The following COL28A1 variants were observed in gnomAD, a reference collection of about 807,000 sequenced individuals.
The protein encoded by COL28A1 is collagen alpha-1(XXVIII) chain.
Under a neutral mutation model 150.2 loss-of-function variants are expected in COL28A1, and 161 were observed. The observed-to-expected ratio is 1.07, with a 90% CI of 0.94 to 1.22. The LOEUF (loss-of-function observed/expected upper bound fraction) is 1.22. Among genes scored for constraint, COL28A1 ranks in the 50% most tolerant of loss-of-function variants. The pLI, the probability that COL28A1 is intolerant of heterozygous loss-of-function variation, is 0.00. For synonymous variants in COL28A1, 552 were observed against 469.7 expected (o/e 1.18, Z -2.26); for missense variants, 1,617 against 1,388.3 (o/e 1.16, Z -2.62).
intron 13 of COL28A1, among the ~76,000 whole-genome samples, chr7:7,486,800 A>G (rs1169779173): frequency 4.6e-5 from 7 of 152,192 alleles, no homozygotes; most frequent in Non-Finnish European, 1.0e-4. Context: ...CCACTTAGTC[A>G]TGCTGTATAA....
chr7:7,476,470 T>C (rs1788894672), intron 14 of COL28A1, among the ~76,000 whole-genome samples: 1 of 152,200 alleles, frequency 6.6e-6, no homozygotes, highest in Non-Finnish European at 1.5e-5. Flanking sequence ...TTATACATTG[T>C]TTATGGCTGC....
chr7:7,435,314 T>A (rs1785263164), intron 23 of COL28A1, among the ~76,000 whole-genome samples: 1 of 152,238 alleles, frequency 6.6e-6, no homozygotes, highest in Admixed American at 6.5e-5. Context: ...AGCTGCAGTT[T>A]TCAAATTAGA....
At chr7:7,538,253 T>G (rs994061571), upstream of COL28A1, among the ~76,000 whole-genome samples, 6 of 152,336 alleles carry the variant, frequency 3.9e-5, no homozygotes. Flanking sequence ...TGAATTAGTA[T>G]GCTATTGGAC....
chr7:7,354,480 G>A (rs1212634715), downstream of COL28A1, among the ~76,000 whole-genome samples: 4 of 152,080 alleles, frequency 2.6e-5, no homozygotes, highest in Non-Finnish European at 2.9e-5. Flanking sequence ...TCCTCAAAAA[G>A]CAACAGGAGG....
intron 18 of COL28A1, among the ~76,000 whole-genome samples, chr7:7,444,797 A>AG (rs1033257251): frequency 1.3e-5 from 2 of 152,264 alleles, no homozygotes; most frequent in Non-Finnish European, 2.9e-5. Context: ...AAGTCATTAC[A>AG]GGGGGGCCCT....
At chr7:7,390,533 T>C (rs560234510) in intron 27 of COL28A1, among the ~76,000 whole-genome samples, 2 of 152,292 alleles carry the variant, frequency 1.3e-5, no homozygotes, top group East Asian at 3.8e-4. Context: ...GAGTCCCTCT[T>C]TTTCTATGGT....
At chr7:7,424,598 T>C (rs1784552542) in intron 25 of COL28A1, among the ~76,000 whole-genome samples, 1 of 152,148 alleles carries the variant, frequency 6.6e-6, no homozygotes, top group South Asian at 2.1e-4. Flanking sequence ...AGGGAGCCCT[T>C]GTATTAGGAG....
intron 25 of COL28A1, among the ~76,000 whole-genome samples, chr7:7,432,162 C>T (rs772658400): frequency 1.4e-4 from 22 of 152,132 alleles, no homozygotes; most frequent in Middle Eastern, 6.8e-3. Context: ...TGGGGCTGGA[C>T]GAGAGTATCT....
chr7:7,450,842 C>T (rs943449911), intron 18 of COL28A1, among the ~76,000 whole-genome samples: 17 of 151,960 alleles, frequency 1.1e-4, no homozygotes, highest in African/African-American at 2.9e-4. Flanking sequence ...AATACTATAA[C>T]GCGATTAATA....
intron 27 of COL28A1, among the ~76,000 whole-genome samples, chr7:7,410,699 T>A (rs1381125536): frequency 6.6e-6 from 1 of 152,046 alleles, no homozygotes; most frequent in Non-Finnish European, 1.5e-5. Context: ...AAAAAACCTT[T>A]AAGTTCAAAT....
intron 21 of COL28A1, among the ~76,000 whole-genome samples, chr7:7,439,603 C>T (rs1437019039): frequency 2.0e-5 from 3 of 152,178 alleles, no homozygotes; most frequent in African/African-American, 7.2e-5. Flanking sequence ...TCACCTTCAT[C>T]TTTAAAAACA....
intron 27 of COL28A1, among the ~76,000 whole-genome samples, chr7:7,395,892 G>C (rs1782805568): frequency 6.6e-6 from 1 of 152,188 alleles, no homozygotes; most frequent in Non-Finnish European, 1.5e-5. Context: ...CATTTTGAAA[G>C]TGGTGTGTGA....
intron 8 of COL28A1, chr7:7,511,980 TAAG>T: frequency 3.1e-6 from 1 of 322,430 alleles, no homozygotes; most frequent in South Asian, 2.5e-5. Flanking sequence ...ATTTTGTAAT[TAAG>T]AAGGTTAAGT....
chr7:7,475,947 C>T (rs1788835212), intron 14 of COL28A1, among the ~76,000 whole-genome samples: 1 of 152,134 alleles, frequency 6.6e-6, no homozygotes, highest in Non-Finnish European at 1.5e-5. Flanking sequence ...TAAAATTTAA[C>T]CCAGCAGTCA....
At chr7:7,387,293 T>G (rs933695160) in intron 27 of COL28A1, among the ~76,000 whole-genome samples, 3 of 152,116 alleles carry the variant, frequency 2.0e-5, no homozygotes, top group Non-Finnish European at 4.4e-5. Flanking sequence ...ACGGGTTTGC[T>G]GGAACACATA....
intron 27 of COL28A1, among the ~76,000 whole-genome samples, chr7:7,399,150 T>G (rs1023708221): frequency 1.3e-5 from 2 of 152,136 alleles, no homozygotes; most frequent in Non-Finnish European, 2.9e-5. Context: ...CCACATCTGC[T>G]TTTCACTCTT....
At position 7,477,121 on chromosome 7, in the gene COL28A1, T is replaced by TG; in HGVS notation, c.1223dup (p.Gly409ArgfsTer5). ...CAGAAGGTATTGTTACCTTTGGTCCTGGAAATCCTTCTCCGGGTAAGCCCC... is the reference window on the plus strand; with the variant it reads ...CAGAAGGTATTGTTACCTTTGGTCCTGGGAAATCCTTCTCCGGGTAAGCCCC... On this transcript the variant is annotated frameshift_variant, in exon 14 of 35. Transcript: ENST00000399429. LOFTEE classifies it high-confidence loss of function. 1 of 1,252,378 alleles carries TG rather than the reference T, an allele frequency of 8.0e-7. No homozygotes were observed. Among genetic ancestry groups the TG allele is most frequent in the Non-Finnish European group, 1.2e-6 (1 of 849,074 alleles). The allele number at this position is 1,252,378 out of a possible 1,614,324, so 77.6% of individuals were successfully genotyped here.
chr7:7,473,903 A>G (rs568022640), intron 15 of COL28A1, among the ~76,000 whole-genome samples: 1 of 150,144 alleles, frequency 6.7e-6, no homozygotes, highest in Non-Finnish European at 1.5e-5. Flanking sequence ...TTACATATAT[A>G]GTGTGTGTGT....
chr7:7,400,080 A>G (rs1053222755), intron 27 of COL28A1, among the ~76,000 whole-genome samples: 6 of 152,222 alleles, frequency 3.9e-5, no homozygotes, highest in Admixed American at 6.5e-5. Context: ...TTATCAGTTC[A>G]TTAACAGACA....
Sources: allele counts gnomAD v4.1 joint callset (sites outside exome capture counted in the v4.1 genomes callset), GRCh38; gene constraint gnomAD v4.1.1; transcripts MANE v1.5; gene names NCBI Gene and HGNC (gene_info 2026-07-23, HGNC 2026-07-21).